The following FANK1 variants were observed in gnomAD, a reference collection of about 807,000 sequenced individuals.
The protein encoded by FANK1 is fibronectin type 3 and ankyrin repeat domains protein 1.
Under a neutral mutation model 45.3 loss-of-function variants are expected in FANK1, and 44 were observed. The ratio of observed to expected loss-of-function variants is 0.97; its 90% CI spans 0.76 to 1.25. The LOEUF is 1.25. Among genes scored for constraint, FANK1 ranks in the 50% most tolerant of loss-of-function variants. FANK1 has a pLI of 0.00. For missense variants in FANK1, 391 were observed against 424.4 expected, an observed-to-expected ratio of 0.92 and a Z score of 0.69; for synonymous variants, 149 against 152.5, an observed-to-expected ratio of 0.98 and a Z score of 0.17.
chr10:126,007,549 CT>C (rs1953313993), intron 7 of FANK1, among the ~76,000 whole-genome samples: 1 of 152,210 alleles, frequency 6.6e-6, no homozygotes, highest in Admixed American at 6.5e-5. Flanking sequence ...CCAAGATCTC[CT>C]GGAAATTCCT....
chr10:126,008,881 C>T (rs1953440103), intron 8 of FANK1, among the ~76,000 whole-genome samples, 173 bp from the exon 9 acceptor site: 1 of 152,148 alleles, frequency 6.6e-6, no homozygotes, highest in African/African-American at 2.4e-5. Context: ...TCTGGAGTTG[C>T]TACCATACAG....
intron 1 of FANK1, among the ~76,000 whole-genome samples, chr10:125,948,622 T>C (rs200333564): frequency 1.3e-5 from 2 of 152,176 alleles, no homozygotes; most frequent in East Asian, 3.8e-4. Context: ...CAATAATCAA[T>C]AGTTTTCCAA....
intron 1 of FANK1, among the ~76,000 whole-genome samples, chr10:125,952,275 A>AT (rs944604829): frequency 1.4e-4 from 22 of 152,084 alleles, no homozygotes; most frequent in Middle Eastern, 3.4e-3. Context: ...GAAAACTTTT[A>AT]TTTTAACTAG....
At chr10:125,973,774 C>T (rs1375479284) in intron 1 of FANK1, 2 of 150,248 alleles carry the variant, frequency 1.3e-5, no homozygotes, top group African/African-American at 4.9e-5. Context: ...ACTGGTAAGA[C>T]CCCCCTCCTG....
intron 1 of FANK1, among the ~76,000 whole-genome samples, chr10:125,939,007 A>G (rs1948279861): frequency 6.6e-6 from 1 of 152,206 alleles, no homozygotes. Context: ...GAAACACACC[A>G]ACATCACATG....
intron 1 of FANK1, among the ~76,000 whole-genome samples, chr10:125,969,185 T>A (rs1950343995): frequency 6.6e-6 from 1 of 152,074 alleles, no homozygotes; most frequent in African/African-American, 2.4e-5. Context: ...AAAGAACCAT[T>A]GAAAATTGAA....
At position 125,995,791 on chromosome 10, in the gene FANK1, C is replaced by T. The variant is rs1009062895; in HGVS notation, c.398+293C>T. On this transcript the variant is annotated intron_variant, in intron 4 of 10. Coordinates refer to ENST00000368693, the MANE Select transcript of FANK1 (RefSeq NM_145235.5). ...ATTTCTGTCTCTTGCTTATAAGCCG[C>T]AGCATTTAGGCAAATTTCACCCCCA... 9.2e-5 allele frequency among the ~76,000 whole-genome samples: 14 copies of T among 152,178 alleles called. 1 individual carries two copies. The highest frequency in any genetic ancestry group is 1.0e-4 in the Non-Finnish European group (7 of 68,040).
intron 2 of FANK1, among the ~76,000 whole-genome samples, chr10:125,981,201 C>T (rs976456301): frequency 1.3e-5 from 2 of 152,136 alleles, no homozygotes; most frequent in Non-Finnish European, 2.9e-5. Context: ...CCAATACCAC[C>T]AGGAGTAATG....
At chr10:125,957,617 CA>C (rs1411295181) in intron 1 of FANK1, among the ~76,000 whole-genome samples, 1 of 152,010 alleles carries the variant, frequency 6.6e-6, no homozygotes. Flanking sequence ...CTCCATCTCC[CA>C]AATTCAAGCA....
chr10:126,001,662 AG>A (rs1952768902), intron 6 of FANK1, among the ~76,000 whole-genome samples: 1 of 152,094 alleles, frequency 6.6e-6, no homozygotes, highest in African/African-American at 2.4e-5. Context: ...AGGCAGTTTG[AG>A]TTCAGATGGC....
chr10:125,906,375 G>A lies in FANK1; in HGVS notation c.13+9720G>A, dbSNP rs554380748. Among the ~76,000 whole-genome samples, 9 of 151,982 alleles carry A rather than the reference G, an allele frequency of 5.9e-5. No homozygotes were observed. In the East Asian group the frequency reaches 1.7e-3, roughly 29 times the overall value. On this transcript the variant is annotated intron_variant, in intron 1 of 10. Coordinates refer to ENST00000368693, the MANE Select transcript of FANK1 (RefSeq NM_145235.5). ...TATTAAAACTACAAAAATCAGCTGG[G>A]CATGGTGGTGTGTGCCTGTAATCCC...
At chr10:125,910,804 G>A (rs1267575701) in intron 1 of FANK1, among the ~76,000 whole-genome samples, 1 of 152,172 alleles carries the variant, frequency 6.6e-6, no homozygotes, top group South Asian at 2.1e-4. Flanking sequence ...GGAGGCCGAG[G>A]TGGGCGGATC....
At chr10:125,974,415 T>C (rs976992849) in intron 1 of FANK1, among the ~76,000 whole-genome samples, 9 of 152,190 alleles carry the variant, frequency 5.9e-5, no homozygotes, top group African/African-American at 2.2e-4. Flanking sequence ...AACAATGCAG[T>C]AAATCTGTGA....
chr10:125,970,428 G>A lies in FANK1; in HGVS notation c.14-9733G>A, dbSNP rs544905156. 1.2e-4 allele frequency among the ~76,000 whole-genome samples: 19 copies of A among 152,364 alleles called. No individual in the cohort carries two copies. In the East Asian group the frequency reaches 3.7e-3, roughly 29 times the overall value. ...ACGCTCCTCACTTCCTAGACGGGGT[G>A]GTGGCCGGGCAGAGGCTGCAATCTC... On this transcript the variant is annotated intron_variant, in intron 1 of 10. Transcript: ENST00000368693.
chr10:125,970,787 A>AG (rs1176144271), intron 1 of FANK1, among the ~76,000 whole-genome samples: 3 of 152,106 alleles, frequency 2.0e-5, no homozygotes, highest in Non-Finnish European at 4.4e-5. Context: ...TCGGCAACAG[A>AG]GGGGGACCGT....
chr10:125,955,248 T>G (rs990159796), intron 1 of FANK1, among the ~76,000 whole-genome samples: 1 of 152,124 alleles, frequency 6.6e-6, no homozygotes, highest in African/African-American at 2.4e-5. Flanking sequence ...TTCTTCCTGA[T>G]GCTCTCCCTC....
intron 1 of FANK1, among the ~76,000 whole-genome samples, chr10:125,932,986 G>A (rs925413115): frequency 1.3e-5 from 2 of 151,974 alleles, no homozygotes; most frequent in Admixed American, 6.6e-5. Flanking sequence ...AATTTTGTTT[G>A]TGTGGTGTAC....
chr10:126,008,502 T>C lies in FANK1; in HGVS notation c.801T>C (p.Ala267=). 2.5e-6 allele frequency: 4 copies of C among 1,613,858 alleles called. No individual in the cohort carries two copies. The highest frequency in any genetic ancestry group is 2.5e-6 in the Non-Finnish European group (3 of 1,179,902). ...GGGTGGCCTCTCTTCTAATTGATGC[T>C]GGGGCCAATGTGAATGTGAAGGACA... is the stretch of plus-strand genomic sequence containing the variant. ...NQRVASLLID[A]GANVNVKDRN... The change falls in exon 8 of 11, where the codon GCT becomes GCC. Residue 267 remains alanine, a synonymous_variant. Transcript: ENST00000368693.
chr10:126,002,597 T>C (rs929461375), intron 6 of FANK1, among the ~76,000 whole-genome samples: 1 of 152,192 alleles, frequency 6.6e-6, no homozygotes, highest in Admixed American at 6.5e-5. Context: ...CAGTTATCAC[T>C]CAGAGGCTTT....
Sources: allele counts gnomAD v4.1 joint callset (sites outside exome capture counted in the v4.1 genomes callset), GRCh38; gene constraint gnomAD v4.1.1; transcripts MANE v1.5; gene names NCBI Gene and HGNC (gene_info 2026-07-23, HGNC 2026-07-21).